Variants in SEMA5A observed in about 807,000 individuals in gnomAD.
SEMA5A encodes the protein semaphorin-5A.
SEMA5A carries 55 observed loss-of-function variants against 135.5 expected under a neutral mutation model. The observed-to-expected ratio is 0.41, with a 90% confidence interval of 0.33 to 0.51. The LOEUF (loss-of-function observed/expected upper bound fraction) is 0.51. Ranked by LOEUF, SEMA5A falls within the 20% of genes least tolerant of loss-of-function variation. SEMA5A has a pLI of 0.37. For synonymous variants in SEMA5A, 580 were observed against 546.5 expected (o/e 1.06, Z -0.85); for missense variants, 1,290 against 1,419.9 (o/e 0.91, Z 1.47).
intron 5 of SEMA5A, among the ~76,000 whole-genome samples, chr5:9,242,837 G>A (rs527758178): frequency 1.3e-5 from 2 of 152,106 alleles, no homozygotes; most frequent in Admixed American, 6.6e-5. Context: ...AATCGCATTA[G>A]AGTCATATCA....
chr5:9,198,757 G>T (rs1485104091), intron 9 of SEMA5A, among the ~76,000 whole-genome samples: 1 of 152,178 alleles, frequency 6.6e-6, no homozygotes, highest in Non-Finnish European at 1.5e-5. Context: ...GTACAGGGAA[G>T]AAACTGGCCT....
At chr5:9,356,916 C>A (rs939138793) in intron 3 of SEMA5A, among the ~76,000 whole-genome samples, 1 of 152,186 alleles carries the variant, frequency 6.6e-6, no homozygotes, top group African/African-American at 2.4e-5. Context: ...CTGATATGAA[C>A]TCCAAGCAGC....
At chr5:9,147,078 T>C (rs1742377534) in intron 12 of SEMA5A, among the ~76,000 whole-genome samples, 1 of 152,206 alleles carries the variant, frequency 6.6e-6, no homozygotes, top group Non-Finnish European at 1.5e-5. Flanking sequence ...CTTTAGGGAA[T>C]ATTTAATTAA....
intron 1 of SEMA5A, among the ~76,000 whole-genome samples, chr5:9,535,848 T>A (rs1737734423): frequency 6.6e-6 from 1 of 152,170 alleles, no homozygotes; most frequent in South Asian, 2.1e-4. Context: ...CACGGGCAGA[T>A]GCTGGATCTT....
At chr5:9,504,246 A>G (rs1015123976) in intron 1 of SEMA5A, among the ~76,000 whole-genome samples, 5 of 151,228 alleles carry the variant, frequency 3.3e-5, no homozygotes, top group African/African-American at 1.2e-4. Flanking sequence ...AAAACAAAAG[A>G]AAAGAAAAGA....
intron 13 of SEMA5A, among the ~76,000 whole-genome samples, chr5:9,123,302 T>C (rs1245506717): frequency 1.2e-5 from 1 of 81,536 alleles, no homozygotes; most frequent in Admixed American, 1.4e-4. Context: ...AAAGATTGCA[T>C]AAGGGAGTAT....
At chr5:9,535,554 TTTA>T (rs1443716519) in intron 1 of SEMA5A, among the ~76,000 whole-genome samples, 9 of 140,112 alleles carry the variant, frequency 6.4e-5, no homozygotes, top group African/African-American at 2.3e-4. Flanking sequence ...AAAATACTAG[TTTA>T]AAGTATGTGT....
intron 1 of SEMA5A, among the ~76,000 whole-genome samples, chr5:9,518,912 C>CA (rs2126865689): frequency 6.6e-6 from 1 of 151,818 alleles, no homozygotes; most frequent in African/African-American, 2.4e-5. Context: ...TCACTCCAAG[C>CA]AAGAGCAGAA....
intron 12 of SEMA5A, among the ~76,000 whole-genome samples, chr5:9,153,190 G>A (rs936758886): frequency 1.3e-5 from 2 of 152,094 alleles, no homozygotes; most frequent in Non-Finnish European, 2.9e-5. Flanking sequence ...AGATGTCTGT[G>A]AGTGATATAT....
At chr5:9,209,481 G>T (rs994036177) in intron 8 of SEMA5A, among the ~76,000 whole-genome samples, 9 of 152,014 alleles carry the variant, frequency 5.9e-5, no homozygotes, top group Non-Finnish European at 1.2e-4. Context: ...GGTTTTTATT[G>T]GAATGTTAAT....
At chr5:9,131,083 C>T (rs1323434407) in intron 13 of SEMA5A, among the ~76,000 whole-genome samples, 1 of 152,134 alleles carries the variant, frequency 6.6e-6, no homozygotes, top group Non-Finnish European at 1.5e-5. Context: ...TATTTTGTTA[C>T]TTATTACATG....
chr5:9,129,924 G>A (rs1330277697), intron 13 of SEMA5A, among the ~76,000 whole-genome samples: 1 of 152,162 alleles, frequency 6.6e-6, no homozygotes, highest in Admixed American at 6.5e-5. Context: ...AATCAAACAA[G>A]CTAGTCCAGA....
intron 9 of SEMA5A, 115 bp downstream of exon 9, chr5:9,201,840 G>T: frequency 9.7e-7 from 1 of 1,027,016 alleles, no homozygotes; most frequent in Non-Finnish European, 1.4e-6. Flanking sequence ...TGTTAGCCCA[G>T]TAAATTAAGA....
intron 4 of SEMA5A, among the ~76,000 whole-genome samples, chr5:9,332,567 T>A (rs1177012940): frequency 1.3e-5 from 2 of 151,634 alleles, no homozygotes; most frequent in Non-Finnish European, 2.9e-5. Flanking sequence ...AGCTATGGGC[T>A]GCTACTCACA....
At chr5:9,153,413 T>C (rs921986769) in intron 12 of SEMA5A, among the ~76,000 whole-genome samples, 2 of 152,196 alleles carry the variant, frequency 1.3e-5, no homozygotes, top group Non-Finnish European at 2.9e-5. Context: ...TGGGCCAACA[T>C]GTTTCCAAAT....
At chr5:9,116,496 T>C (rs925461923) in intron 15 of SEMA5A, among the ~76,000 whole-genome samples, 1 of 151,900 alleles carries the variant, frequency 6.6e-6, no homozygotes, top group African/African-American at 2.4e-5. Flanking sequence ...CTAGAGTTAT[T>C]TTTCAGAAAA....
intron 8 of SEMA5A, among the ~76,000 whole-genome samples, chr5:9,202,791 A>T (rs1745790843): frequency 6.6e-6 from 1 of 152,182 alleles, no homozygotes; most frequent in Admixed American, 6.5e-5. Flanking sequence ...GACTAAAACT[A>T]TAAGGTGTGT....
At chr5:9,060,099 A>G (rs1737101991) in intron 18 of SEMA5A, among the ~76,000 whole-genome samples, 1 of 152,124 alleles carries the variant, frequency 6.6e-6, no homozygotes, top group African/African-American at 2.4e-5. Flanking sequence ...GGAATTTCCC[A>G]GGCAGGGGAA....
intron 4 of SEMA5A, among the ~76,000 whole-genome samples, chr5:9,330,404 A>T (rs997009930): frequency 1.4e-5 from 2 of 141,920 alleles, no homozygotes; most frequent in African/African-American, 5.8e-5. Context: ...AAAAAAAAAA[A>T]AGTACAGATT....
Sources: allele counts gnomAD v4.1 joint callset (sites outside exome capture counted in the v4.1 genomes callset), GRCh38; gene constraint gnomAD v4.1.1; transcripts MANE v1.5; gene names NCBI Gene and HGNC (gene_info 2026-07-23, HGNC 2026-07-21).